Variants in ISCU observed in about 807,000 individuals in gnomAD.
ISCU encodes the protein iron-sulfur cluster assembly enzyme ISCU.
In ISCU, 13 loss-of-function variants were observed where a neutral mutation model predicts 18.4. That is an observed-to-expected ratio of 0.71 (90% CI 0.46 to 1.12). The LOEUF (loss-of-function observed/expected upper bound fraction) is 1.12. Among genes scored for constraint, ISCU ranks in the 50% most tolerant of loss-of-function variants. The pLI, the probability that ISCU is intolerant of heterozygous loss-of-function variation, is 0.00. For missense variants in ISCU, 229 were observed against 208.7 expected (o/e 1.10, Z -0.60); for synonymous variants, 104 against 87.5 (o/e 1.19, Z -1.06).
chr12:108,562,711 CCCCGGCCCGACT>C lies in ISCU; in HGVS notation c.91_102del (p.Pro31_Leu34del). The C allele has an allele frequency of 6.7e-7, 1 of 1,489,944 alleles. No individual in the cohort carries two copies. The highest frequency in any genetic ancestry group is 8.9e-7 in the Non-Finnish European group (1 of 1,129,916). The allele number at this position is 1,489,944 out of a possible 1,614,324, so 92.3% of individuals were successfully genotyped here. ...CGCCTGCCCGCCCGGGAGCTGTCGG[CCCCGGCCCGACT>C]CTATCACAAGAAGGTAGGGACAAAA... On this transcript the variant is annotated inframe_deletion, in exon 1 of 5. Coordinates refer to ENST00000311893, the MANE Select transcript of ISCU (RefSeq NM_213595.4).
Position 108,568,873 on chromosome 12 carries a change from A to G in ISCU, c.461A>G (p.Lys154Arg). 3.7e-6 allele frequency: 6 copies of G among 1,613,658 alleles called. No homozygotes were observed. The highest frequency in any genetic ancestry group is 5.1e-6 in the Non-Finnish European group (6 of 1,179,844). Residue 154 changes from lysine to arginine, a missense_variant, in exon 5 of 5, where the codon AAA (lysine) becomes AGA (arginine). By Grantham distance (26) the Lys-to-Arg change is conservative. Transcript: ENST00000311893. ...ATCAAGGCCGCCCTGGCTGATTACA[A>G]ATTGAAACAAGAACCCAAAAAAGGA... is the stretch of plus-strand genomic sequence containing the variant. ...DAIKAALADY[K>R]LKQEPKKGEA...
Position 108,567,270 on chromosome 12 carries a change from T to A in ISCU, c.418+2T>A. ...CTCCCGTGAAACTGCACTGCTCCAG[T>A]AAGTCTCTGCTCTCCATACCAGTCA... On this transcript the variant is annotated splice_donor_variant, in intron 4 of 4. Coordinates refer to ENST00000311893, the MANE Select transcript of ISCU (RefSeq NM_213595.4). LOFTEE classifies it high-confidence loss of function. 6.2e-7 allele frequency: 1 copy of A among 1,611,308 alleles called. No homozygotes were observed. The highest frequency in any genetic ancestry group is 2.2e-5 in the East Asian group (1 of 44,868).
intron 2 of ISCU, 171 bp from the exon 3 acceptor site, chr12:108,565,150 A>G (rs2030829705): frequency 4.8e-6 from 3 of 624,920 alleles, no homozygotes; most frequent in Non-Finnish European, 5.8e-6. Flanking sequence ...CCTGCATTTC[A>G]CTTTTCATCA....
intron 3 of ISCU, 149 bp from the exon 4 acceptor site, chr12:108,567,041 G>C: frequency 1.4e-6 from 1 of 696,482 alleles, no homozygotes; most frequent in Non-Finnish European, 2.6e-6. Context: ...TAAAGTGGGA[G>C]TCCTGAGAAG....
intron 4 of ISCU, chr12:108,567,706 C>T (rs571468578): frequency 3.3e-4 from 500 of 1,535,896 alleles, no homozygotes; most frequent in Non-Finnish European, 4.2e-4. Context: ...TCGCCATAAT[C>T]CTGTTTCCTG....
intron 1 of ISCU, chr12:108,563,955 G>C: frequency 1.3e-6 from 1 of 760,990 alleles, no homozygotes; most frequent in East Asian, 2.6e-5. Flanking sequence ...TAACAAAACT[G>C]CTGTTTGAGC....
intron 1 of ISCU, chr12:108,563,605 A>T (rs1233187637): frequency 4.6e-6 from 1 of 217,090 alleles, no homozygotes; most frequent in Non-Finnish European, 9.4e-6. Flanking sequence ...GTTCGAATGG[A>T]TGTTTATTGT....
Position 108,564,286 on chromosome 12 carries a change from A to G in ISCU, c.122A>G (p.Asp41Gly), listed in dbSNP as rs2030778875. The change falls in exon 2 of 5, where the codon GAT (aspartate) becomes GGT (glycine). Residue 41 changes from aspartate (D) to glycine (G), a missense_variant. By Grantham distance (94) the Asp-to-Gly change is moderately conservative (BLOSUM62 -1). Coordinates refer to ENST00000311893, the MANE Select transcript of ISCU (RefSeq NM_213595.4). ...PARLYHKKVV[D>G]HYENPRNVGS... ...TTAACCCTCTCATTTTAGGTTGTTG[A>G]TCATTATGAAAATCCTAGAAACGTG... 2 of 1,613,156 alleles carry G rather than the reference A, an allele frequency of 1.2e-6. No homozygotes were observed. Among genetic ancestry groups the G allele is most frequent in the African/African-American group, 1.3e-5 (1 of 74,900 alleles).
intron 3 of ISCU, among the ~76,000 whole-genome samples, chr12:108,566,907 C>G (rs1363631625): frequency 6.6e-6 from 1 of 152,160 alleles, no homozygotes; most frequent in Non-Finnish European, 1.5e-5. Flanking sequence ...CAAGCAGATC[C>G]CTAAGAGACT....
At chr12:108,564,141 G>T in intron 1 of ISCU, 138 bp from the exon 2 acceptor site, 2 of 1,612,432 alleles carry the variant, frequency 1.2e-6, no homozygotes, top group Non-Finnish European at 1.7e-6. Flanking sequence ...CATGAGTGTA[G>T]ACCTTTCTAC....
upstream of ISCU, among the ~76,000 whole-genome samples, chr12:108,561,890 C>A (rs957522321): frequency 6.6e-6 from 1 of 152,134 alleles, no homozygotes; most frequent in African/African-American, 2.4e-5. Flanking sequence ...TCTTAAGCTT[C>A]CCATTTTTGA....
chr12:108,563,986 G>A (rs1423695873), intron 1 of ISCU: 6 of 935,936 alleles, frequency 6.4e-6, no homozygotes, highest in Admixed American at 1.7e-5. Flanking sequence ...TGATGTAGGT[G>A]GGTGAAAGTC....
chr12:108,563,666 G>A, intron 1 of ISCU: 2 of 264,022 alleles, frequency 7.6e-6, no homozygotes, highest in Non-Finnish European at 1.5e-5. Flanking sequence ...TCCCCCTCCC[G>A]GGGGTGTGTT....
At chr12:108,567,074 A>G (rs2030933344) in intron 3 of ISCU, 116 bp from the exon 4 acceptor site, 2 of 769,282 alleles carry the variant, frequency 2.6e-6, no homozygotes, top group Admixed American at 1.9e-5. Flanking sequence ...TTGAGTTATT[A>G]AACAGAAATC....
At position 108,562,874 on chromosome 12, in the gene ISCU, C is replaced by T. The variant is rs536890089; in HGVS notation, c.114+138C>T. 4.6e-4 allele frequency: 209 copies of T among 451,718 alleles called. 1 individual carries two copies. In the South Asian group the frequency reaches 0.011, roughly 25 times the overall value. The allele number at this position is 451,718 out of a possible 1,614,324, so 28.0% of individuals were successfully genotyped here. The stretch of plus-strand genomic sequence containing the variant: ...TGCCCTGACTCGCTTTCCCTTGCTG[C>T]GCAGTGAGGCTCACTGCAACTGATA... On this transcript the variant is annotated intron_variant, in intron 1 of 4. Transcript: ENST00000311893.
chr12:108,562,669 T>C lies in ISCU; in HGVS notation c.47T>C (p.Leu16Pro). ...CGTCTGAGGCGGGCGGCATCGGCTC[T>C]GCTGCTGCGGAGCCCCCGCCTGCCC... is the stretch of plus-strand genomic sequence containing the variant. ...AFRLRRAASA[L>P]LLRSPRLPAR... The change falls in exon 1 of 5, where the codon CTG becomes CCG. Residue 16 changes from leucine to proline, a missense_variant. Coordinates refer to ENST00000311893, the MANE Select transcript of ISCU (RefSeq NM_213595.4). 2 of 1,455,942 alleles carry C rather than the reference T, an allele frequency of 1.4e-6. No homozygotes were observed. Among genetic ancestry groups the C allele is most frequent in the Non-Finnish European group, 1.8e-6 (2 of 1,111,336 alleles). 90.2% of individuals were successfully genotyped at this position (1,455,942 alleles called of 1,614,324 possible).
At chr12:108,562,532 CA>C, upstream of ISCU, 1 of 699,958 alleles carries the variant, frequency 1.4e-6, no homozygotes, top group Non-Finnish European at 2.1e-6. Flanking sequence ...TCGGTGACGT[CA>C]GAGAGGCGCG....
chr12:108,565,534 TATC>T (rs1231578246), intron 3 of ISCU, 103 bp downstream of exon 3: 5 of 749,928 alleles, frequency 6.7e-6, no homozygotes, highest in African/African-American at 1.8e-5. Flanking sequence ...TTGATTATAT[TATC>T]ATTTCTTCAA....
chr12:108,567,596 G>T, intron 4 of ISCU: 1 of 1,356,226 alleles, frequency 7.4e-7, no homozygotes, highest in Non-Finnish European at 1.0e-6. Context: ...GGGTTGAGAC[G>T]CCCACATCAC....
Sources: gnomAD v4.1 joint callset for allele counts (sites outside exome capture counted in the v4.1 genomes callset) on GRCh38, gnomAD v4.1.1 for gene constraint, MANE v1.5 for transcripts, NCBI Gene and HGNC (gene_info 2026-07-23, HGNC 2026-07-21) for gene names.